PRDM2: variants seen among roughly 807,000 people sequenced by gnomAD.
PRDM2 encodes PR domain zinc finger protein 2.
A neutral mutation model predicts 130.0 loss-of-function variants in PRDM2; 30 were observed. The observed-to-expected ratio is 0.23, with a 90% CI of 0.17 to 0.31. The LOEUF is 0.31. Ranked by LOEUF, PRDM2 falls within the 10% of genes least tolerant of loss-of-function variation. PRDM2 has a pLI of 1.00. For synonymous variants in PRDM2, 871 were observed against 782.4 expected, an observed-to-expected ratio of 1.11 and a Z score of -1.89; for missense variants, 2,011 against 2,108.4, an observed-to-expected ratio of 0.95 and a Z score of 0.90.
chr1:13,809,268 T>C (rs549519855), intron 8 of PRDM2, among the ~76,000 whole-genome samples: 1 of 152,306 alleles, frequency 6.6e-6, no homozygotes, highest in South Asian at 2.1e-4. Context: ...CCGTCACACT[T>C]CTGTGGAACA....
intron 8 of PRDM2, among the ~76,000 whole-genome samples, chr1:13,792,215 A>AAAT (rs1644851786): frequency 6.6e-6 from 1 of 152,230 alleles, no homozygotes; most frequent in Admixed American, 6.5e-5. Context: ...TCCTACATCT[A>AAAT]CTGAGTCTTA....
chr1:13,788,720 A>G (rs933449082), intron 8 of PRDM2, among the ~76,000 whole-genome samples: 1 of 152,254 alleles, frequency 6.6e-6, no homozygotes, highest in Admixed American at 6.5e-5. Flanking sequence ...TGAGGCTTCA[A>G]CACACAGCAG....
rs1644551870 is a variant in PRDM2, at chr1:13,779,278, CATACTA to C, written c.1487_1492del (p.Thr496_Asn497del). ...ATATTGTAAAAAGGTTTTTGGAACTCATACTAATATGAGACGGCATCAGCGTAGAGT... is the reference window on the plus strand; with the variant it reads ...ATATTGTAAAAAGGTTTTTGGAACTCATATGAGACGGCATCAGCGTAGAGT... On this transcript the variant is annotated inframe_deletion, in exon 8 of 10. Transcript: ENST00000311066. This position sits in a 1 kb window ranked among gnomAD's most constrained non-coding sequence, Gnocchi z 4.9. 6.2e-7 allele frequency: 1 copy of C among 1,614,022 alleles called. No homozygotes were observed. The highest frequency in any genetic ancestry group is 8.5e-7 in the Non-Finnish European group (1 of 1,179,960).
chr1:13,746,528 T>A (rs1643611531), intron 5 of PRDM2, among the ~76,000 whole-genome samples: 3 of 146,468 alleles, frequency 2.0e-5, no homozygotes, highest in African/African-American at 5.1e-5. Flanking sequence ...TACTACTTGT[T>A]TTTATTTATT....
chr1:13,745,445 G>A (rs1643573682), intron 5 of PRDM2, among the ~76,000 whole-genome samples: 1 of 146,794 alleles, frequency 6.8e-6, no homozygotes, highest in Non-Finnish European at 1.5e-5. Flanking sequence ...TTTTTTTTGA[G>A]ACAGAGTTGT....
chr1:13,785,047 A>C (rs534956327), intron 8 of PRDM2, among the ~76,000 whole-genome samples: 1 of 152,354 alleles, frequency 6.6e-6, no homozygotes, highest in East Asian at 1.9e-4. Context: ...TTTAGCACAA[A>C]ACTGGGATTC....
At chr1:13,785,665 C>A in intron 8 of PRDM2, among the ~76,000 whole-genome samples, 1 of 99,474 alleles carries the variant, frequency 1.0e-5, no homozygotes. Flanking sequence ...ACTACAGTGA[C>A]CCACCCCCCA....
intron 4 of PRDM2, among the ~76,000 whole-genome samples, chr1:13,736,577 T>G (rs1248495054): frequency 1.4e-5 from 2 of 146,430 alleles, no homozygotes; most frequent in Non-Finnish European, 1.5e-5. Flanking sequence ...TATAAATATG[T>G]GTTGACTTGT....
intron 8 of PRDM2, chr1:13,787,361 A>G (rs1192794951): frequency 7.1e-6 from 7 of 985,028 alleles, no homozygotes; most frequent in Non-Finnish European, 8.4e-6. Flanking sequence ...AAAAACAACA[A>G]ATTGGCCTCT....
chr1:13,765,353 T>C (rs532302500), intron 6 of PRDM2, among the ~76,000 whole-genome samples: 1 of 152,322 alleles, frequency 6.6e-6, no homozygotes, highest in East Asian at 1.9e-4. Flanking sequence ...TCTCTCTTCC[T>C]CTCTATCATC....
At chr1:13,773,912 C>T (rs1374314246) in intron 7 of PRDM2, among the ~76,000 whole-genome samples, 3 of 152,168 alleles carry the variant, frequency 2.0e-5, no homozygotes, top group Non-Finnish European at 4.4e-5. Flanking sequence ...ATATACTCAA[C>T]TATTTGTACA....
intron 5 of PRDM2, among the ~76,000 whole-genome samples, chr1:13,747,007 T>C (rs1157714784): frequency 6.6e-6 from 1 of 152,248 alleles, no homozygotes; most frequent in Non-Finnish European, 1.5e-5. Context: ...TCTTAGGACA[T>C]GAGTGCCCTC....
intron 8 of PRDM2, among the ~76,000 whole-genome samples, chr1:13,813,741 G>T (rs1000973408): frequency 6.6e-6 from 1 of 152,184 alleles, no homozygotes; most frequent in East Asian, 1.9e-4. Context: ...CTGCCTTCAG[G>T]GGTTTTGCCC....
At chr1:13,770,240 G>T in intron 6 of PRDM2, 1 of 429,014 alleles carries the variant, frequency 2.3e-6, no homozygotes, top group South Asian at 1.7e-5. Context: ...GGTTTTGTTT[G>T]TCCAATAAAG....
intron 8 of PRDM2, chr1:13,786,757 AG>A (rs1644750632): frequency 7.2e-7 from 1 of 1,387,606 alleles, no homozygotes. Flanking sequence ...TGAGATCCAA[AG>A]AGAAGGGCAC....
intron 2 of PRDM2, among the ~76,000 whole-genome samples, chr1:13,718,826 T>A (rs1218348281): frequency 6.6e-6 from 1 of 152,174 alleles, no homozygotes; most frequent in African/African-American, 2.4e-5. Flanking sequence ...ACACCCATCC[T>A]GATACTTAAC....
Position 13,750,203 on chromosome 1 carries a change from A to G in PRDM2, c.511+716A>G, listed in dbSNP as rs192951016. Among the ~76,000 whole-genome samples, 97 of 152,162 alleles carry G rather than the reference A, an allele frequency of 6.4e-4. 2 individuals are homozygous for G. The highest frequency in any genetic ancestry group is 6.0e-3 in the South Asian group (29 of 4,822). On this transcript the variant is annotated intron_variant, in intron 6 of 9. Transcript: ENST00000311066. ...AGGGAGGGGATAATTTCTGGGTAGGAAAATAGTTTGGTTGGCTGTATCATA... is the reference window on the plus strand; with the variant it reads ...AGGGAGGGGATAATTTCTGGGTAGGGAAATAGTTTGGTTGGCTGTATCATA...
intron 2 of PRDM2, among the ~76,000 whole-genome samples, chr1:13,718,248 C>T (rs1260847019): frequency 6.6e-6 from 1 of 152,216 alleles, no homozygotes; most frequent in South Asian, 2.1e-4. Context: ...AGGAATGGAT[C>T]AGCATTGCTT....
intron 4 of PRDM2, among the ~76,000 whole-genome samples, chr1:13,734,758 A>G (rs1041910315): frequency 1.3e-5 from 2 of 152,204 alleles, no homozygotes; most frequent in Non-Finnish European, 2.9e-5. Context: ...GCAATTAAAA[A>G]AAATCTCATT....
Sources: allele counts gnomAD v4.1 joint callset (sites outside exome capture counted in the v4.1 genomes callset), GRCh38; gene constraint gnomAD v4.1.1; non-coding constraint Gnocchi (gnomAD v3.1); transcripts MANE v1.5; gene names NCBI Gene and HGNC (gene_info 2026-07-23, HGNC 2026-07-21).